ROBO2: variants seen among roughly 807,000 people sequenced by gnomAD.
ROBO2 encodes roundabout guidance receptor 2.
ROBO2 carries 53 observed loss-of-function variants against 160.8 expected under a neutral mutation model. The ratio of observed to expected loss-of-function variants is 0.33; its 90% confidence interval spans 0.26 to 0.41. The LOEUF is 0.41. Among genes scored for constraint, ROBO2 ranks in the 10% least tolerant of loss-of-function variants. The pLI is 1.00. For synonymous variants in ROBO2, 664 were observed against 611.7 expected, an observed-to-expected ratio of 1.09 and a Z score of -1.26; for missense variants, 1,577 against 1,722.4, an observed-to-expected ratio of 0.92 and a Z score of 1.49.
Position 76,946,571 on chromosome 3 carries a change from G to C in ROBO2, c.110-151443G>C, listed in dbSNP as rs183621883. Among the ~76,000 whole-genome samples, 240 of 152,116 alleles carry C rather than the reference G, an allele frequency of 1.6e-3. 1 individual carries two copies. The highest frequency in any genetic ancestry group is 5.2e-3 in the African/African-American group (217 of 41,482). On this transcript the variant is annotated intron_variant, in intron 2 of 26. Coordinates refer to the ROBO2 transcript ENST00000487694. ...TCTAGTCTCAGCCTCCGGAGTAGCT[G>C]GGATTACAGGCGCCCACCACGGCAT...
At chr3:76,752,563 C>T (rs1404364243) in intron 2 of ROBO2, among the ~76,000 whole-genome samples, 1 of 146,672 alleles carries the variant, frequency 6.8e-6, no homozygotes, top group Admixed American at 6.8e-5. Flanking sequence ...TAGGTAAGGA[C>T]TAAGACTAAA....
intron 1 of ROBO2, among the ~76,000 whole-genome samples, chr3:75,914,119 T>C (rs1191022374): frequency 6.6e-6 from 1 of 152,220 alleles, no homozygotes; most frequent in Admixed American, 6.5e-5. Context: ...TCCTTCATTT[T>C]TCTTAAAATT....
At chr3:76,293,807 C>A (rs1036793694) in intron 2 of ROBO2, among the ~76,000 whole-genome samples, 1 of 152,178 alleles carries the variant, frequency 6.6e-6, no homozygotes, top group African/African-American at 2.4e-5. Flanking sequence ...AGACTATAAC[C>A]GTTCTATTGT....
At chr3:76,185,792 T>A (rs1040948527) in intron 2 of ROBO2, among the ~76,000 whole-genome samples, 4 of 152,088 alleles carry the variant, frequency 2.6e-5, no homozygotes, top group African/African-American at 9.7e-5. Context: ...GACAATAAGA[T>A]ACCATCAGAA....
intron 2 of ROBO2, among the ~76,000 whole-genome samples, chr3:76,467,777 G>A (rs1559996569): frequency 6.6e-6 from 1 of 152,018 alleles, no homozygotes; most frequent in Non-Finnish European, 1.5e-5. Context: ...AACTCGTAGT[G>A]GATAGATAAT....
At chr3:77,628,528 G>A (rs1395523012) in intron 23 of ROBO2, among the ~76,000 whole-genome samples, 7 of 151,754 alleles carry the variant, frequency 4.6e-5, no homozygotes, top group Middle Eastern at 3.4e-3. Context: ...TTTCAGAAAG[G>A]CCACTAGACG....
chr3:76,434,681 G>A, intron 2 of ROBO2: 1 of 1,144,564 alleles, frequency 8.7e-7, no homozygotes, highest in Admixed American at 1.7e-5. Flanking sequence ...TGCTGGATCA[G>A]GTCCTCCTCC....
At chr3:76,402,311 A>AT (rs1364866972) in intron 2 of ROBO2, among the ~76,000 whole-genome samples, 1 of 151,564 alleles carries the variant, frequency 6.6e-6, no homozygotes, top group Non-Finnish European at 1.5e-5. Context: ...ATCCACACAC[A>AT]TAACTTGGCA....
At chr3:76,641,495 C>T (rs189128873) in intron 2 of ROBO2, among the ~76,000 whole-genome samples, 1 of 152,136 alleles carries the variant, frequency 6.6e-6, no homozygotes, top group Admixed American at 6.5e-5. Context: ...GTACATAGAT[C>T]ATGAAGGACA....
Position 77,270,683 on chromosome 3 carries a change from A to C in ROBO2, c.388+172343A>C, listed in dbSNP as rs142088705. Among the ~76,000 whole-genome samples, 1,238 of 152,270 alleles carry C rather than the reference A, an allele frequency of 8.1e-3. 13 individuals are homozygous for C. The highest frequency in any genetic ancestry group is 0.029 in the African/African-American group (1,189 of 41,566). On this transcript the variant is annotated intron_variant, in intron 2 of 25. Transcript: ENST00000461745. ...TTTCTGGCCAGGTGCAGTAGCTCAC[A>C]CCTGTAATCCCAGCACTTTGGGAGG...
At chr3:76,676,272 C>G (rs1375547919) in intron 2 of ROBO2, among the ~76,000 whole-genome samples, 2 of 151,750 alleles carry the variant, frequency 1.3e-5, no homozygotes, top group Admixed American at 1.3e-4. Flanking sequence ...CTCATGAGAT[C>G]TGATGGTTTT....
chr3:77,363,169 G>A (rs1426230885), intron 2 of ROBO2, among the ~76,000 whole-genome samples: 1 of 152,140 alleles, frequency 6.6e-6, no homozygotes, highest in Non-Finnish European at 1.5e-5. Flanking sequence ...AGTCTAACCA[G>A]ATCAAGCATG....
chr3:75,976,482 T>A (rs1420960864), intron 2 of ROBO2, among the ~76,000 whole-genome samples: 2 of 151,502 alleles, frequency 1.3e-5, no homozygotes, highest in Non-Finnish European at 1.5e-5. Context: ...TTATACAATG[T>A]AGAAAGAAGG....
intron 23 of ROBO2, among the ~76,000 whole-genome samples, chr3:77,622,646 T>C (rs1253326025): frequency 6.6e-6 from 1 of 152,182 alleles, no homozygotes; most frequent in Non-Finnish European, 1.5e-5. Context: ...TTTAAAAAGC[T>C]TTAAAGACAT....
At chr3:77,474,113 C>G (rs1372280121) in intron 2 of ROBO2, among the ~76,000 whole-genome samples, 1 of 152,144 alleles carries the variant, frequency 6.6e-6, no homozygotes. Context: ...GACAACAAAC[C>G]TGGGCAAACT....
At chr3:76,654,068 A>C (rs1159129633) in intron 2 of ROBO2, among the ~76,000 whole-genome samples, 3 of 152,218 alleles carry the variant, frequency 2.0e-5, no homozygotes, top group African/African-American at 7.2e-5. Context: ...TATTCAGGAT[A>C]GTTCCTCAAC....
chr3:76,223,002 G>T (rs4572777), intron 2 of ROBO2, among the ~76,000 whole-genome samples: 1 of 151,698 alleles, frequency 6.6e-6, no homozygotes, highest in Non-Finnish European at 1.5e-5. Context: ...TTATCTGCCC[G>T]CCTCAGCCTC....
chr3:76,491,105 G>A (rs571979937), intron 2 of ROBO2, among the ~76,000 whole-genome samples: 22 of 152,044 alleles, frequency 1.4e-4, no homozygotes, highest in East Asian at 1.2e-3. Flanking sequence ...GATTACAGGC[G>A]TGTGTCAGCA....
chr3:76,733,845 T>A (rs935956579), intron 2 of ROBO2, among the ~76,000 whole-genome samples: 3 of 152,200 alleles, frequency 2.0e-5, no homozygotes, highest in Non-Finnish European at 4.4e-5. Context: ...TTCTTATAGT[T>A]CTGGAGGCTG....
Sources: allele counts gnomAD v4.1 joint callset (sites outside exome capture counted in the v4.1 genomes callset), GRCh38; gene constraint gnomAD v4.1.1; transcripts MANE v1.5; gene names NCBI Gene and HGNC (gene_info 2026-07-23, HGNC 2026-07-21).